The following FGFR2 variants were observed in gnomAD, a reference collection of about 807,000 sequenced individuals.
FGFR2 encodes BEK fibroblast growth factor receptor.
Under a neutral mutation model 95.9 loss-of-function variants are expected in FGFR2, and 19 were observed. The ratio of observed to expected loss-of-function variants is 0.20; its 90% confidence interval spans 0.14 to 0.29. The LOEUF is 0.29. FGFR2 is among the 10% of genes least tolerant of loss of function. FGFR2 has a pLI of 1.00. For missense variants in FGFR2, 707 were observed against 1,056.9 expected, an observed-to-expected ratio of 0.67 and a Z score of 4.59; for synonymous variants, 392 against 393.3, an observed-to-expected ratio of 1.00 and a Z score of 0.04.
chr10:121,491,021 C>T (rs1846061582), intron 13 of FGFR2, among the ~76,000 whole-genome samples: 1 of 152,174 alleles, frequency 6.6e-6, no homozygotes, highest in African/African-American at 2.4e-5. Context: ...CTTCCAAGCC[C>T]CGGGCCAAAC....
intron 4 of FGFR2, among the ~76,000 whole-genome samples, chr10:121,555,007 TC>T (rs1327702448): frequency 6.6e-6 from 1 of 152,138 alleles, no homozygotes; most frequent in Non-Finnish European, 1.5e-5. Flanking sequence ...AAATTAAAGA[TC>T]TACTGAAGCA....
intron 4 of FGFR2, among the ~76,000 whole-genome samples, chr10:121,554,505 AT>A (rs11334001): frequency 0.44 from 53,213 of 121,622 alleles, 11,031 homozygotes; most frequent in Non-Finnish European, 0.51. Flanking sequence ...TGCCCGGCTA[AT>A]TTTTTTTTTT....
At chr10:121,525,174 T>C (rs1388188053) in intron 6 of FGFR2, among the ~76,000 whole-genome samples, 3 of 152,196 alleles carry the variant, frequency 2.0e-5, no homozygotes, top group Admixed American at 2.0e-4. Flanking sequence ...TATATACACA[T>C]ATAAGAATAG....
intron 4 of FGFR2, among the ~76,000 whole-genome samples, chr10:121,551,965 T>C (rs942462840): frequency 6.6e-5 from 10 of 151,546 alleles, no homozygotes; most frequent in Admixed American, 6.6e-4. Flanking sequence ...TCTAATATAA[T>C]AAAATAACCC....
At chr10:121,571,742 G>A (rs1055215490) in intron 2 of FGFR2, among the ~76,000 whole-genome samples, 15 of 150,274 alleles carry the variant, frequency 1.0e-4, no homozygotes, top group African/African-American at 3.4e-4. Flanking sequence ...TCAGGAGTTC[G>A]AGACCAGCCT....
At chr10:121,501,674 C>T (rs1847624461) in intron 10 of FGFR2, among the ~76,000 whole-genome samples, 1 of 152,116 alleles carries the variant, frequency 6.6e-6, no homozygotes, top group Non-Finnish European at 1.5e-5. Flanking sequence ...GAATACGGCT[C>T]TTTCTAACTT....
Position 121,487,369 on chromosome 10 carries a change from G to A in FGFR2, c.2042C>T (p.Thr681Ile). The stretch of plus-strand genomic sequence containing the variant: ...AGTTACTCACACATCACTCTGATGA[G>A]TGTATACTCTATCAAACAGGGCTTC... ...APEALFDRVY[T>I]HQSDVWSFGV... The change falls in exon 15 of 18, where the codon ACT (threonine) becomes ATT (isoleucine). Residue 681 changes from threonine (T) to isoleucine (I), a missense_variant. Physicochemically the swap from Thr to Ile is moderately conservative, Grantham distance 89. Coordinates refer to ENST00000358487, the MANE Select transcript of FGFR2 (RefSeq NM_000141.5). 2 of 1,613,714 alleles carry A rather than the reference G, an allele frequency of 1.2e-6. No homozygotes were observed. Among genetic ancestry groups the A allele is most frequent in the Non-Finnish European group, 1.7e-6 (2 of 1,179,582 alleles).
intron 6 of FGFR2, among the ~76,000 whole-genome samples, chr10:121,534,327 G>C (rs1852516995): frequency 6.6e-6 from 1 of 151,954 alleles, no homozygotes; most frequent in Admixed American, 6.6e-5. Context: ...TTGAACTCCT[G>C]ACCTCATGAT....
chr10:121,519,923 C>T (rs780671143), intron 7 of FGFR2, 56 bp downstream of exon 7: 7 of 1,569,696 alleles, frequency 4.5e-6, no homozygotes, highest in Non-Finnish European at 5.3e-6. Context: ...AACCTGTGGC[C>T]AAACCCATGA....
intron 2 of FGFR2, among the ~76,000 whole-genome samples, chr10:121,581,512 G>A (rs1860858394): frequency 6.7e-6 from 1 of 150,110 alleles, no homozygotes; most frequent in Admixed American, 6.7e-5. Flanking sequence ...GCCAAGGTGG[G>A]AGGATCGCTT....
At chr10:121,572,325 AAAAT>A (rs1387895985) in intron 2 of FGFR2, among the ~76,000 whole-genome samples, 1 of 152,114 alleles carries the variant, frequency 6.6e-6, no homozygotes, top group Admixed American at 6.5e-5. Flanking sequence ...CCTGTCTCCA[AAAAT>A]AAATAAGTAG....
intron 9 of FGFR2, among the ~76,000 whole-genome samples, chr10:121,512,523 T>G (rs1849184158): frequency 6.6e-6 from 1 of 152,282 alleles, no homozygotes; most frequent in African/African-American, 2.4e-5. Flanking sequence ...GCCAATTACA[T>G]TTTCTTTTTT....
Position 121,598,178 on chromosome 10 carries a change from G to A in FGFR2, c.-367C>T. 1 of 398,128 alleles carries A rather than the reference G, an allele frequency of 2.5e-6. No homozygotes were observed. Among genetic ancestry groups the A allele is most frequent in the Non-Finnish European group, 4.4e-6 (1 of 225,748 alleles). The allele number at this position is 398,128 out of a possible 1,614,324, so 24.7% of individuals were successfully genotyped here. A position where few individuals can be genotyped will look rare whatever the true frequency, so the allele number is the denominator to read the frequency against. ...CCCGCGGGCTGCCCTCGGATTTGGG[G>A]AACGAGAGGAAGAAAGGACTCAGGC... On this transcript the variant is annotated 5_prime_UTR_variant, in exon 1 of 18. Transcript: ENST00000358487.
intron 6 of FGFR2, among the ~76,000 whole-genome samples, chr10:121,524,791 G>A (rs1851117772): frequency 6.6e-6 from 1 of 152,194 alleles, no homozygotes; most frequent in Admixed American, 6.5e-5. Context: ...AGAGACAAAG[G>A]GGACGATGAC....
At chr10:121,553,951 CCCATGGG>C (rs1165405578) in intron 4 of FGFR2, among the ~76,000 whole-genome samples, 1 of 152,220 alleles carries the variant, frequency 6.6e-6, no homozygotes, top group Non-Finnish European at 1.5e-5. Flanking sequence ...GTGGCAACAG[CCCATGGG>C]CAACCCGCAC....
chr10:121,500,183 G>C (rs1009120301), intron 11 of FGFR2, among the ~76,000 whole-genome samples: 1 of 152,182 alleles, frequency 6.6e-6, no homozygotes, highest in African/African-American at 2.4e-5. Context: ...TAAGTTCTTT[G>C]GACATGGGCA....
chr10:121,591,423 G>A (rs1862631629), intron 2 of FGFR2, among the ~76,000 whole-genome samples: 1 of 152,222 alleles, frequency 6.6e-6, no homozygotes, highest in Non-Finnish European at 1.5e-5. Context: ...GGTGCTTACT[G>A]GATGCCAGCC....
chr10:121,513,968 C>T (rs1231757216), intron 9 of FGFR2, among the ~76,000 whole-genome samples: 1 of 152,112 alleles, frequency 6.6e-6, no homozygotes, highest in Non-Finnish European at 1.5e-5. Flanking sequence ...CAGAAAATGT[C>T]ATTCCTACCT....
chr10:121,593,534 C>A (rs554670310), intron 2 of FGFR2, among the ~76,000 whole-genome samples, 175 bp downstream of exon 2: 1 of 152,142 alleles, frequency 6.6e-6, no homozygotes, highest in Non-Finnish European at 1.5e-5. Context: ...TGCAGTGCTG[C>A]GGCAAAGGAC....
Sources: gnomAD v4.1 joint callset for allele counts (sites outside exome capture counted in the v4.1 genomes callset) on GRCh38, gnomAD v4.1.1 for gene constraint, MANE v1.5 for transcripts, NCBI Gene and HGNC (gene_info 2026-07-23, HGNC 2026-07-21) for gene names.